PEX5L: variants seen among roughly 807,000 people sequenced by gnomAD.
PEX5L encodes the protein PEX5-related protein.
Under a neutral mutation model 84.0 loss-of-function variants are expected in PEX5L, and 30 were observed. The ratio of observed to expected loss-of-function variants is 0.36; its 90% CI spans 0.27 to 0.48. The LOEUF (loss-of-function observed/expected upper bound fraction) is 0.48, where lower values mean the gene tolerates loss of function less well. Ranked by LOEUF, PEX5L falls within the 20% of genes least tolerant of loss-of-function variation. PEX5L has a pLI of 0.99. For synonymous variants in PEX5L, 270 were observed against 283.1 expected, an observed-to-expected ratio of 0.95 and a Z score of 0.46; for missense variants, 533 against 754.6, an observed-to-expected ratio of 0.71 and a Z score of 3.44.
intron 7 of PEX5L, among the ~76,000 whole-genome samples, chr3:179,860,167 T>C (rs530403172): frequency 2.0e-5 from 3 of 152,116 alleles, no homozygotes; most frequent in Admixed American, 6.5e-5. Context: ...AGGGGATCCA[T>C]GAGGATAAGA....
At chr3:179,859,223 T>G in intron 7 of PEX5L, 66 bp from the exon 8 acceptor site, 1 of 1,214,760 alleles carries the variant, frequency 8.2e-7, no homozygotes. Context: ...AATATACAGG[T>G]GCTTTTCCTT....
At chr3:179,988,420 A>AAAT (rs1553924188) in intron 1 of PEX5L, among the ~76,000 whole-genome samples, 2 of 146,944 alleles carry the variant, frequency 1.4e-5, no homozygotes, top group African/African-American at 2.6e-5. Flanking sequence ...ATAAATAAAT[A>AAAT]AAATAAAAAA....
At chr3:179,915,427 T>C (rs1766692058) in intron 2 of PEX5L, among the ~76,000 whole-genome samples, 1 of 152,210 alleles carries the variant, frequency 6.6e-6, no homozygotes, top group African/African-American at 2.4e-5. Context: ...TAATCGAACA[T>C]GCCTTAAGGA....
intron 8 of PEX5L, among the ~76,000 whole-genome samples, chr3:179,827,318 TTG>T (rs1265158261): frequency 6.6e-6 from 1 of 152,176 alleles, no homozygotes; most frequent in African/African-American, 2.4e-5. Flanking sequence ...AGCTACCACC[TTG>T]CAAAGAAGCC....
At chr3:179,960,308 G>C (rs1352627808) in intron 2 of PEX5L, among the ~76,000 whole-genome samples, 1 of 152,228 alleles carries the variant, frequency 6.6e-6, no homozygotes, top group Non-Finnish European at 1.5e-5. Flanking sequence ...TGTGAAGGGA[G>C]GAAGAACATC....
intron 9 of PEX5L, among the ~76,000 whole-genome samples, chr3:179,817,255 G>A (rs779194661): frequency 8.6e-5 from 13 of 151,948 alleles, no homozygotes; most frequent in Non-Finnish European, 1.6e-4. Context: ...ATAAATAACT[G>A]GTATTTTCTA....
chr3:179,935,691 C>G (rs774488267), intron 2 of PEX5L, among the ~76,000 whole-genome samples: 12 of 152,108 alleles, frequency 7.9e-5, no homozygotes, highest in Non-Finnish European at 1.6e-4. Flanking sequence ...CCCACCAAAA[C>G]TCACGTTGGA....
chr3:179,930,507 G>T (rs1039613734), intron 2 of PEX5L, among the ~76,000 whole-genome samples: 2 of 152,186 alleles, frequency 1.3e-5, no homozygotes, highest in African/African-American at 2.4e-5. Context: ...GGTGCTCCAT[G>T]AATATGGTGC....
chr3:179,893,517 T>C (rs1758252771), intron 3 of PEX5L, among the ~76,000 whole-genome samples: 1 of 152,196 alleles, frequency 6.6e-6, no homozygotes, highest in African/African-American at 2.4e-5. Flanking sequence ...ATTACTTAGA[T>C]GTTTCATTCA....
At chr3:179,833,955 C>CACGCA (rs1456963128) in intron 8 of PEX5L, among the ~76,000 whole-genome samples, 1 of 152,086 alleles carries the variant, frequency 6.6e-6, no homozygotes, top group Non-Finnish European at 1.5e-5. Context: ...CCACTTCAGC[C>CACGCA]TTCCAAGTAT....
chr3:179,816,884 A>T (rs1726324912), intron 9 of PEX5L, among the ~76,000 whole-genome samples: 1 of 152,144 alleles, frequency 6.6e-6, no homozygotes, highest in South Asian at 2.1e-4. Context: ...ACAAAAAGTT[A>T]CCTGTAATGC....
chr3:179,833,958 CCA>C (rs1392702202), intron 8 of PEX5L, among the ~76,000 whole-genome samples: 1 of 152,192 alleles, frequency 6.6e-6, no homozygotes, highest in Non-Finnish European at 1.5e-5. Context: ...CTTCAGCCTT[CCA>C]AGTATCTAGG....
intron 1 of PEX5L, among the ~76,000 whole-genome samples, chr3:180,011,408 T>C (rs556509999): frequency 4.6e-5 from 7 of 152,224 alleles, no homozygotes; most frequent in Non-Finnish European, 8.8e-5. Flanking sequence ...TGCAAGCCAC[T>C]GTATATCGTA....
intron 8 of PEX5L, among the ~76,000 whole-genome samples, chr3:179,850,850 A>G (rs1460139703): frequency 6.6e-6 from 1 of 152,246 alleles, no homozygotes; most frequent in Non-Finnish European, 1.5e-5. Flanking sequence ...TGTCATAGAA[A>G]GCAAAAGAAA....
intron 1 of PEX5L, among the ~76,000 whole-genome samples, chr3:180,011,853 A>G (rs1048553724): frequency 2.0e-5 from 3 of 152,174 alleles, no homozygotes; most frequent in African/African-American, 7.2e-5. Context: ...AAAGACTGAA[A>G]AGAGCAAGAG....
chr3:180,021,025 G>A (rs1790377240), intron 1 of PEX5L, among the ~76,000 whole-genome samples: 1 of 152,152 alleles, frequency 6.6e-6, no homozygotes. Flanking sequence ...AGGGTAAGGG[G>A]AGCTGAGACA....
intron 1 of PEX5L, among the ~76,000 whole-genome samples, chr3:180,011,687 C>T (rs1205077620): frequency 6.6e-6 from 1 of 152,150 alleles, no homozygotes; most frequent in Non-Finnish European, 1.5e-5. Flanking sequence ...TTTGCTAATG[C>T]AGTCTTCTAC....
Position 179,796,291 on chromosome 3 carries a change from A to C in PEX5L, c.*5537T>G, listed in dbSNP as rs1450723622. 6.6e-6 allele frequency: 1 copy of C among 152,114 alleles called. No homozygotes were observed. The highest frequency in any genetic ancestry group is 1.5e-5 in the Non-Finnish European group (1 of 68,034). 9.4% of individuals were successfully genotyped at this position (152,114 alleles called of 1,614,324 possible). On this transcript the variant is annotated 3_prime_UTR_variant, in exon 15 of 15. Transcript: ENST00000467460. ...TTATTTTGAGTGCAGGCTTCTATTA[A>C]GTATCCCACGGAGCTCATCAGGGTT...
chr3:179,817,780 G>A (rs1167277686), intron 9 of PEX5L, among the ~76,000 whole-genome samples: 1 of 152,176 alleles, frequency 6.6e-6, no homozygotes, highest in Non-Finnish European at 1.5e-5. Context: ...GTGCTTAGAA[G>A]GACAAAATGC....
Sources: gnomAD v4.1 joint callset for allele counts (sites outside exome capture counted in the v4.1 genomes callset) on GRCh38, gnomAD v4.1.1 for gene constraint, MANE v1.5 for transcripts, NCBI Gene and HGNC (gene_info 2026-07-23, HGNC 2026-07-21) for gene names.